FAF1: variants seen among roughly 807,000 people sequenced by gnomAD.
FAF1 encodes the protein FAS-associated factor 1.
In FAF1, 25 loss-of-function variants were observed where a neutral mutation model predicts 92.5. The observed-to-expected ratio is 0.27, with a 90% CI of 0.20 to 0.38. FAF1 has a LOEUF of 0.38. Among genes scored for constraint, FAF1 ranks in the 10% least tolerant of loss-of-function variants. The pLI is 1.00. For synonymous variants in FAF1, 234 were observed against 273.2 expected, an observed-to-expected ratio of 0.86 and a Z score of 1.42; for missense variants, 636 against 793.3, an observed-to-expected ratio of 0.80 and a Z score of 2.38.
At chr1:50,466,823 C>T (rs1646502611) in intron 18 of FAF1, among the ~76,000 whole-genome samples, 1 of 152,162 alleles carries the variant, frequency 6.6e-6, no homozygotes, top group Non-Finnish European at 1.5e-5. Flanking sequence ...CTCATTTCAG[C>T]CAGTCTGGTC....
chr1:50,447,121 C>CTT lies in FAF1; in HGVS notation c.1870-5600_1870-5599dup, dbSNP rs61612294. Among the ~76,000 whole-genome samples the CTT allele has an allele frequency of 4.1e-3, 463 of 112,808 alleles. 3 individuals carry two copies. The highest frequency in any genetic ancestry group is 5.0e-3 in the Non-Finnish European group (284 of 56,274). The allele number at this position is 112,808 out of a possible 152,430, so 74.0% of individuals were successfully genotyped here. A position where few individuals can be genotyped will look rare whatever the true frequency, so the allele number is the denominator to read the frequency against. On this transcript the variant is annotated intron_variant, in intron 18 of 18. Coordinates refer to ENST00000396153, the MANE Select transcript of FAF1 (RefSeq NM_007051.3). ...AGAGGCTTCTCAAAACATATTCCTG[C>CTT]TTTTTTTTTTTTTTTTTTTTTTGAG...
chr1:50,455,061 A>G (rs1646335714), intron 18 of FAF1, among the ~76,000 whole-genome samples: 1 of 152,180 alleles, frequency 6.6e-6, no homozygotes, highest in African/African-American at 2.4e-5. Context: ...CCTCATTCCT[A>G]CAGCAGGCAG....
At chr1:50,729,028 ATCTATC>A (rs1270495104) in intron 6 of FAF1, among the ~76,000 whole-genome samples, 494 of 75,504 alleles carry the variant, frequency 6.5e-3, no homozygotes, top group African/African-American at 0.025. Flanking sequence ...CTATCTATCT[ATCTATC>A]TATATATATA....
chr1:50,880,309 G>A (rs1473449176), intron 1 of FAF1, among the ~76,000 whole-genome samples: 1 of 152,130 alleles, frequency 6.6e-6, no homozygotes, highest in Non-Finnish European at 1.5e-5. Context: ...AAAGAAGTGG[G>A]GGTAGAGTGA....
chr1:50,443,790 G>A (rs1467257037), intron 18 of FAF1, among the ~76,000 whole-genome samples: 2 of 152,134 alleles, frequency 1.3e-5, no homozygotes, highest in African/African-American at 4.8e-5. Context: ...TTACTGACTG[G>A]GTAGGGGCCC....
Position 50,532,226 on chromosome 1 carries a change from A to G in FAF1, c.1494+3143T>C, listed in dbSNP as rs935325813. On this transcript the variant is annotated intron_variant, in intron 15 of 18. Transcript: ENST00000396153. ...CAATTAAATTTCAATAAAAATTTCA[A>G]TTATATGGAGCATTGGATTTTTCCT... is the stretch of plus-strand genomic sequence containing the variant. 7.9e-5 allele frequency among the ~76,000 whole-genome samples: 12 copies of G among 152,288 alleles called. 1 individual carries two copies. In the South Asian group the frequency reaches 2.3e-3, roughly 29 times the overall value.
At chr1:50,884,699 G>A (rs549188477) in intron 1 of FAF1, among the ~76,000 whole-genome samples, 172 of 152,062 alleles carry the variant, frequency 1.1e-3, no homozygotes, top group Non-Finnish European at 1.9e-3. Context: ...GTATTAGTTG[G>A]GGATACTGAA....
chr1:50,917,190 T>A (rs1275257728), intron 1 of FAF1, among the ~76,000 whole-genome samples: 1 of 152,076 alleles, frequency 6.6e-6, no homozygotes, highest in Non-Finnish European at 1.5e-5. Context: ...TGGGCTAGAG[T>A]AGCTTGCAGA....
At chr1:50,584,902 G>A (rs1473795180) in intron 9 of FAF1, 91 bp from the exon 10 acceptor site, 35 of 1,192,278 alleles carry the variant, frequency 2.9e-5, no homozygotes, top group South Asian at 2.0e-4. Context: ...GGACATAAGC[G>A]TTATAAAATT....
At chr1:50,931,148 A>G (rs1378787408) in intron 1 of FAF1, among the ~76,000 whole-genome samples, 2 of 152,108 alleles carry the variant, frequency 1.3e-5, no homozygotes, top group Non-Finnish European at 2.9e-5. Context: ...TATTTACCCT[A>G]TTTACATTTA....
intron 18 of FAF1, among the ~76,000 whole-genome samples, chr1:50,454,201 T>G (rs188000779): frequency 6.6e-6 from 1 of 152,234 alleles, no homozygotes; most frequent in South Asian, 2.1e-4. Flanking sequence ...ACTATGCTGA[T>G]CTCTAAATAT....
chr1:50,871,670 A>G (rs1486738504), intron 1 of FAF1, among the ~76,000 whole-genome samples: 3 of 152,186 alleles, frequency 2.0e-5, no homozygotes, highest in African/African-American at 7.2e-5. Context: ...ATTCCTTTCA[A>G]ACTATTACTA....
intron 1 of FAF1, among the ~76,000 whole-genome samples, chr1:50,873,173 G>C (rs1482852883): frequency 6.6e-6 from 1 of 152,096 alleles, no homozygotes; most frequent in Non-Finnish European, 1.5e-5. Context: ...TAAGGTACAT[G>C]CTTTTCTTTT....
chr1:50,877,897 A>C (rs1432127506), intron 1 of FAF1, among the ~76,000 whole-genome samples: 1 of 152,140 alleles, frequency 6.6e-6, no homozygotes, highest in Non-Finnish European at 1.5e-5. Flanking sequence ...TATTTTCCAC[A>C]AGCCCAGTTG....
intron 1 of FAF1, among the ~76,000 whole-genome samples, chr1:50,915,905 A>T (rs1006090697): frequency 6.6e-6 from 1 of 152,186 alleles, no homozygotes; most frequent in Non-Finnish European, 1.5e-5. Flanking sequence ...AGGAACCTTT[A>T]AAAATCCTTT....
chr1:50,646,661 T>C (rs896583525), intron 8 of FAF1, among the ~76,000 whole-genome samples: 1 of 152,192 alleles, frequency 6.6e-6, no homozygotes, highest in African/African-American at 2.4e-5. Context: ...GCAAAATTGG[T>C]TGTTCCCTCT....
At chr1:50,694,012 T>G (rs75525604) in intron 7 of FAF1, among the ~76,000 whole-genome samples, 1 of 145,906 alleles carries the variant, frequency 6.9e-6, no homozygotes, top group Non-Finnish European at 1.5e-5. Context: ...TATATATACA[T>G]GACATATATG....
intron 6 of FAF1, among the ~76,000 whole-genome samples, chr1:50,721,456 G>A (rs1417625823): frequency 1.3e-5 from 2 of 151,950 alleles, no homozygotes; most frequent in Admixed American, 1.3e-4. Context: ...CTCAGGATCC[G>A]CCTGCGTCGG....
At chr1:50,629,098 T>A (rs988184940) in intron 8 of FAF1, among the ~76,000 whole-genome samples, 4 of 152,126 alleles carry the variant, frequency 2.6e-5, no homozygotes, top group African/African-American at 9.7e-5. Flanking sequence ...TATCTATTAT[T>A]GTTATTCCCA....
Sources: gnomAD v4.1 joint callset for allele counts (sites outside exome capture counted in the v4.1 genomes callset) on GRCh38, gnomAD v4.1.1 for gene constraint, MANE v1.5 for transcripts, NCBI Gene and HGNC (gene_info 2026-07-23, HGNC 2026-07-21) for gene names.